TMEM132B: variants seen among roughly 807,000 people sequenced by gnomAD.
TMEM132B encodes transmembrane protein 132B.
In TMEM132B, 18 loss-of-function variants were observed where a neutral mutation model predicts 90.8. That is an observed-to-expected ratio of 0.20 (90% CI 0.14 to 0.29). The LOEUF (loss-of-function observed/expected upper bound fraction) is 0.29. Ranked by LOEUF, TMEM132B falls within the 10% of genes least tolerant of loss-of-function variation. The pLI is 1.00. For missense variants in TMEM132B, 1,096 were observed against 1,326.8 expected (o/e 0.83, Z 2.70); for synonymous variants, 504 against 523.3 (o/e 0.96, Z 0.50).
intron 1 of TMEM132B, among the ~76,000 whole-genome samples, chr12:125,235,769 A>C (rs892074846): frequency 7.2e-6 from 1 of 139,042 alleles, no homozygotes; most frequent in African/African-American, 2.7e-5. Context: ...TTTGAGGTCT[A>C]TCTATGTTGT....
intron 1 of TMEM132B, among the ~76,000 whole-genome samples, chr12:125,250,649 A>C (rs1874296991): frequency 1.3e-5 from 2 of 152,246 alleles, no homozygotes; most frequent in South Asian, 2.1e-4. Flanking sequence ...AAAATTGAGC[A>C]TCCCCTTTGC....
At chr12:125,226,984 T>A (rs1044001856) in intron 1 of TMEM132B, among the ~76,000 whole-genome samples, 9 of 152,098 alleles carry the variant, frequency 5.9e-5, no homozygotes, top group Non-Finnish European at 1.0e-4. Context: ...GCTGTAACGG[T>A]GTTAGGTAGC....
At chr12:125,514,558 T>G (rs1481046799) in intron 3 of TMEM132B, among the ~76,000 whole-genome samples, 1 of 152,168 alleles carries the variant, frequency 6.6e-6, no homozygotes, top group African/African-American at 2.4e-5. Context: ...AGAGACAGCT[T>G]CTCTTGTCCC....
At chr12:125,214,749 C>T (rs988496447) in intron 1 of TMEM132B, among the ~76,000 whole-genome samples, 7 of 152,200 alleles carry the variant, frequency 4.6e-5, no homozygotes, top group African/African-American at 1.7e-4. Context: ...TATTCTCCAC[C>T]CTTCCTTGCC....
At chr12:125,593,578 C>T (rs896222810) in intron 5 of TMEM132B, among the ~76,000 whole-genome samples, 1 of 152,252 alleles carries the variant, frequency 6.6e-6, no homozygotes, top group Non-Finnish European at 1.5e-5. Context: ...TCTGGGATAT[C>T]AGGCCTGATC....
chr12:125,563,607 A>ACAAACAAAAAAAAC (rs1884596438), intron 4 of TMEM132B, among the ~76,000 whole-genome samples: 1 of 149,696 alleles, frequency 6.7e-6, no homozygotes, highest in Non-Finnish European at 1.5e-5. Flanking sequence ...ACAAAAAAAA[A>ACAAACAAAAAAAAC]CCCCACAGTA....
intron 1 of TMEM132B, among the ~76,000 whole-genome samples, chr12:125,275,027 A>C (rs1353635010): frequency 1.3e-5 from 2 of 152,212 alleles, no homozygotes; most frequent in African/African-American, 4.8e-5. Flanking sequence ...TTAACTTACC[A>C]TCTGTTCGAC....
chr12:125,267,762 A>G (rs1396333802), intron 1 of TMEM132B, among the ~76,000 whole-genome samples: 1 of 152,240 alleles, frequency 6.6e-6, no homozygotes, highest in Non-Finnish European at 1.5e-5. Flanking sequence ...CTGTGAGAAT[A>G]TCAACTTAGA....
intron 3 of TMEM132B, among the ~76,000 whole-genome samples, chr12:125,441,780 C>G (rs1339153563): frequency 6.6e-6 from 1 of 152,222 alleles, no homozygotes; most frequent in Non-Finnish European, 1.5e-5. Context: ...AGTCAGATAA[C>G]AAACTCTTTC....
intron 2 of TMEM132B, among the ~76,000 whole-genome samples, chr12:125,405,285 C>G (rs1441844900): frequency 6.6e-6 from 1 of 152,194 alleles, no homozygotes; most frequent in African/African-American, 2.4e-5. Context: ...CTCTCTCTCT[C>G]TGACTTCACA....
Position 125,408,810 on chromosome 12 carries a change from T to C in TMEM132B, c.960-6721T>C, listed in dbSNP as rs1349470397. ...ATCACCAAATAGCTTTCCAAAGAGG[T>C]TGAACCAAATTACACTCATTCCAGC... is the stretch of plus-strand genomic sequence containing the variant. On this transcript the variant is annotated intron_variant, in intron 2 of 8. Coordinates refer to ENST00000682704, the MANE Select transcript of TMEM132B (RefSeq NM_001366854.1). The surrounding 1 kb of genome is among the most constrained non-coding windows in gnomAD (Gnocchi z 5.9). 6.6e-6 allele frequency among the ~76,000 whole-genome samples: 1 copy of C among 152,040 alleles called. No homozygotes were observed. Among genetic ancestry groups the C allele is most frequent in the African/African-American group, 2.4e-5 (1 of 41,358 alleles).
chr12:125,457,441 C>T (rs745715467), intron 3 of TMEM132B, among the ~76,000 whole-genome samples: 16 of 152,170 alleles, frequency 1.1e-4, no homozygotes, highest in Non-Finnish European at 1.9e-4. Flanking sequence ...TTAATCACGG[C>T]CAGCTCTTAC....
intron 4 of TMEM132B, among the ~76,000 whole-genome samples, chr12:125,528,544 G>A (rs1307466634): frequency 6.6e-6 from 1 of 152,174 alleles, no homozygotes; most frequent in Non-Finnish European, 1.5e-5. Context: ...GCCGAGCACT[G>A]TTCTGGTGAA....
At chr12:125,353,256 A>G (rs568798186) in intron 2 of TMEM132B, among the ~76,000 whole-genome samples, 13 of 151,788 alleles carry the variant, frequency 8.6e-5, no homozygotes, top group African/African-American at 2.9e-4. Flanking sequence ...GACATTACCA[A>G]TCAACTGCAG....
intron 1 of TMEM132B, among the ~76,000 whole-genome samples, chr12:125,320,408 A>G (rs1272961413): frequency 1.3e-5 from 2 of 152,222 alleles, no homozygotes; most frequent in African/African-American, 4.8e-5. Context: ...CGGTGGCTGT[A>G]ATAATCTGGG....
rs549152344 is a variant in TMEM132B at position 125,251,381 on chromosome 12, A to C, written c.67+64515A>C. 6.6e-6 allele frequency among the ~76,000 whole-genome samples: 1 copy of C among 152,210 alleles called. No homozygotes were observed. The highest frequency in any genetic ancestry group is 1.5e-5 in the Non-Finnish European group (1 of 68,034). Reference sequence around the variant, plus strand: ...TTTTGCGTCTTGAGATTTTTCTTCAAGGATGGGGCTTAAGATGGAGTCATA... The same window carrying C: ...TTTTGCGTCTTGAGATTTTTCTTCACGGATGGGGCTTAAGATGGAGTCATA... On this transcript the variant is annotated intron_variant, in intron 1 of 8. Transcript: ENST00000682704. The surrounding 1 kb of genome is among the most constrained non-coding windows in gnomAD (Gnocchi z 4.4).
intron 5 of TMEM132B, among the ~76,000 whole-genome samples, chr12:125,607,580 A>G (rs1341740805): frequency 6.6e-6 from 1 of 152,212 alleles, no homozygotes; most frequent in Non-Finnish European, 1.5e-5. Flanking sequence ...CCTCAGACCA[A>G]ATTTAGTTTA....
At chr12:125,473,354 A>G (rs1012794771) in intron 3 of TMEM132B, among the ~76,000 whole-genome samples, 4 of 151,934 alleles carry the variant, frequency 2.6e-5, no homozygotes, top group East Asian at 1.9e-4. Flanking sequence ...ATTTGTTCCT[A>G]TTTGTAACTG....
At chr12:125,212,186 G>A (rs567950504) in intron 1 of TMEM132B, among the ~76,000 whole-genome samples, 4 of 152,210 alleles carry the variant, frequency 2.6e-5, no homozygotes, top group East Asian at 1.9e-4. Flanking sequence ...ATCCCAGTGC[G>A]GAATTTCTCC....
Sources: gnomAD v4.1 joint callset for allele counts (sites outside exome capture counted in the v4.1 genomes callset) on GRCh38, gnomAD v4.1.1 for gene constraint, Gnocchi (gnomAD v3.1) non-coding constraint, MANE v1.5 for transcripts, NCBI Gene and HGNC (gene_info 2026-07-23, HGNC 2026-07-21) for gene names.